The following AUH variants were observed in gnomAD, a reference collection of about 807,000 sequenced individuals.
AUH encodes the protein AU RNA binding methylglutaconyl-CoA hydratase.
AUH carries 29 observed loss-of-function variants against 42.3 expected under a neutral mutation model. The observed-to-expected ratio is 0.69, with a 90% CI of 0.51 to 0.93. AUH has a LOEUF of 0.93. AUH is among the 40% of genes least tolerant of loss of function. AUH has a pLI of 0.00. For missense variants in AUH, 452 were observed against 438.1 expected, an observed-to-expected ratio of 1.03 and a Z score of -0.28; for synonymous variants, 174 against 166.4, an observed-to-expected ratio of 1.05 and a Z score of -0.35.
chr9:91,268,533 C>T (rs1202275133), intron 6 of AUH, among the ~76,000 whole-genome samples: 3 of 152,060 alleles, frequency 2.0e-5, no homozygotes, highest in Non-Finnish European at 4.4e-5. Flanking sequence ...CAGGTTCAAG[C>T]GATTCTCCTG....
chr9:91,220,187 T>C (rs73497140), intron 7 of AUH, among the ~76,000 whole-genome samples: 18 of 152,314 alleles, frequency 1.2e-4, no homozygotes, highest in African/African-American at 4.1e-4. Flanking sequence ...CGGCCACTGA[T>C]ATCACTCCTG....
At chr9:91,229,607 C>G (rs1157825651) in intron 6 of AUH, among the ~76,000 whole-genome samples, 1 of 151,114 alleles carries the variant, frequency 6.6e-6, no homozygotes, top group African/African-American at 2.4e-5. Flanking sequence ...ATGATGTTAG[C>G]TGGTTATTTT....
intron 3 of AUH, among the ~76,000 whole-genome samples, chr9:91,331,624 C>T (rs1226470584): frequency 1.3e-5 from 2 of 152,138 alleles, no homozygotes; most frequent in Non-Finnish European, 2.9e-5. Context: ...GGAATTGATA[C>T]ATTATTTAAC....
At chr9:91,264,013 T>A (rs1021410890) in intron 6 of AUH, among the ~76,000 whole-genome samples, 3 of 152,180 alleles carry the variant, frequency 2.0e-5, no homozygotes, top group African/African-American at 7.2e-5. Flanking sequence ...CCACCTTAGG[T>A]AAGCTTCACT....
At chr9:91,335,492 G>A (rs1830628056) in intron 3 of AUH, among the ~76,000 whole-genome samples, 1 of 152,106 alleles carries the variant, frequency 6.6e-6, no homozygotes, top group African/African-American at 2.4e-5. Flanking sequence ...TTTCAAAGAA[G>A]CAGCTCTAGG....
intron 6 of AUH, among the ~76,000 whole-genome samples, chr9:91,294,041 C>A (rs1220197562): frequency 6.6e-6 from 1 of 152,180 alleles, no homozygotes; most frequent in African/African-American, 2.4e-5. Context: ...CATCTGGTTT[C>A]CAGCATAGTT....
intron 6 of AUH, chr9:91,294,930 CTG>C: frequency 2.7e-6 from 1 of 368,296 alleles, no homozygotes; most frequent in Non-Finnish European, 5.4e-6. Flanking sequence ...TCTGGTTTGG[CTG>C]TGTCCCCACC....
At chr9:91,294,602 A>C (rs921143608) in intron 6 of AUH, 5 of 429,052 alleles carry the variant, frequency 1.2e-5, no homozygotes, top group Non-Finnish European at 2.3e-5. Context: ...TGCCATAGAC[A>C]GTGATTCCTC....
rs1026884691 is a variant in AUH at position 91,318,035 on chromosome 9, T to C, written c.505+7283A>G. On this transcript the variant is annotated intron_variant, in intron 4 of 9. Coordinates refer to ENST00000375731, the MANE Select transcript of AUH (RefSeq NM_001698.3). ...TCACAAGTGAGGCTGTCTCCTCCTA[T>C]TCCTTTCTTCCATTGTTTCTCTCGG... Among the ~76,000 whole-genome samples the C allele has an allele frequency of 3.9e-5, 6 of 152,226 alleles. No homozygotes were observed. In the South Asian group the frequency reaches 1.2e-3, roughly 32 times the overall value.
At chr9:91,307,993 G>A (rs535611183) in intron 4 of AUH, among the ~76,000 whole-genome samples, 2 of 152,132 alleles carry the variant, frequency 1.3e-5, no homozygotes, top group African/African-American at 2.4e-5. Context: ...AATACACTAC[G>A]TAAGTGTAAT....
At chr9:91,264,731 T>C (rs1829881461) in intron 6 of AUH, among the ~76,000 whole-genome samples, 2 of 152,146 alleles carry the variant, frequency 1.3e-5, no homozygotes, top group Non-Finnish European at 2.9e-5. Context: ...GAGAACAGCT[T>C]GGACAAAATA....
intron 3 of AUH, among the ~76,000 whole-genome samples, chr9:91,345,147 G>C (rs1051598476): frequency 6.6e-6 from 1 of 151,830 alleles, no homozygotes; most frequent in Admixed American, 6.6e-5. Flanking sequence ...ATTGAGAAAA[G>C]ACAAAGACGA....
At chr9:91,328,443 G>C (rs1400101265) in intron 3 of AUH, among the ~76,000 whole-genome samples, 1 of 152,210 alleles carries the variant, frequency 6.6e-6, no homozygotes, top group Non-Finnish European at 1.5e-5. Flanking sequence ...CCAGAGAAGG[G>C]AAACTATGGT....
intron 7 of AUH, among the ~76,000 whole-genome samples, chr9:91,217,911 A>T (rs911802086): frequency 1.1e-4 from 16 of 152,338 alleles, no homozygotes; most frequent in African/African-American, 3.6e-4. Flanking sequence ...GTCACAAGGA[A>T]TGAACTGGAT....
chr9:91,359,711 T>C (rs1446365600), intron 1 of AUH, among the ~76,000 whole-genome samples: 1 of 152,186 alleles, frequency 6.6e-6, no homozygotes, highest in Non-Finnish European at 1.5e-5. Context: ...AAGTGCTGCA[T>C]GCTGTTTGAG....
At chr9:91,227,722 G>A (rs1026065800) in intron 6 of AUH, among the ~76,000 whole-genome samples, 1 of 151,770 alleles carries the variant, frequency 6.6e-6, no homozygotes, top group Non-Finnish European at 1.5e-5. Context: ...TTTGAAATAT[G>A]TCCCATCAAT....
chr9:91,272,428 T>C (rs1377247162), intron 6 of AUH, among the ~76,000 whole-genome samples: 2 of 152,184 alleles, frequency 1.3e-5, no homozygotes, highest in Non-Finnish European at 2.9e-5. Flanking sequence ...CAGCACATCT[T>C]AGGAGTCAAG....
intron 9 of AUH, among the ~76,000 whole-genome samples, chr9:91,215,503 A>C (rs1479686285): frequency 6.6e-6 from 1 of 152,228 alleles, no homozygotes. Context: ...AAGTCAGTAC[A>C]TGTTCAGTAC....
At chr9:91,311,627 C>T (rs972103473) in intron 4 of AUH, among the ~76,000 whole-genome samples, 7 of 152,158 alleles carry the variant, frequency 4.6e-5, no homozygotes, top group Non-Finnish European at 8.8e-5. Flanking sequence ...GAAATATCAT[C>T]TAATTTAAAT....
Sources: gnomAD v4.1 joint callset for allele counts (sites outside exome capture counted in the v4.1 genomes callset) on GRCh38, gnomAD v4.1.1 for gene constraint, MANE v1.5 for transcripts, NCBI Gene and HGNC (gene_info 2026-07-23, HGNC 2026-07-21) for gene names.